Variants in TNIK observed in about 807,000 individuals in gnomAD.
The protein encoded by TNIK is TRAF2 and NCK interacting kinase.
In TNIK, 49 loss-of-function variants were observed where a neutral mutation model predicts 191.3. The observed-to-expected ratio is 0.26, with a 90% CI of 0.20 to 0.32. The LOEUF (loss-of-function observed/expected upper bound fraction) is 0.32. Among genes scored for constraint, TNIK ranks in the 10% least tolerant of loss-of-function variants. The pLI is 1.00. For missense variants in TNIK, 1,155 were observed against 1,702.3 expected (o/e 0.68, Z 5.66); for synonymous variants, 594 against 600.9 (o/e 0.99, Z 0.17).
chr3:171,090,687 G>A (rs971709161), intron 23 of TNIK, among the ~76,000 whole-genome samples: 1 of 152,164 alleles, frequency 6.6e-6, no homozygotes, highest in African/African-American at 2.4e-5. Context: ...TCTTCCAGCA[G>A]ATGAGCTTCC....
chr3:171,165,621 G>C (rs1734521250), intron 10 of TNIK, among the ~76,000 whole-genome samples: 1 of 152,152 alleles, frequency 6.6e-6, no homozygotes, highest in Non-Finnish European at 1.5e-5. Context: ...CAGAAAGGCA[G>C]CCTCTGTCCT....
chr3:171,450,068 C>T (rs750589884), intron 1 of TNIK, among the ~76,000 whole-genome samples: 9 of 152,212 alleles, frequency 5.9e-5, no homozygotes, highest in South Asian at 2.1e-4. Context: ...AAATTTTTAA[C>T]AACTCAGCAG....
chr3:171,414,930 G>A (rs1437692053), intron 1 of TNIK, among the ~76,000 whole-genome samples: 1 of 152,184 alleles, frequency 6.6e-6, no homozygotes, highest in African/African-American at 2.4e-5. Context: ...TAGAAGTAGA[G>A]TAGGAGTACA....
Position 171,161,348 on chromosome 3 carries a change from T to G in TNIK, c.950-12A>C. On this transcript the variant is annotated splice_polypyrimidine_tract_variant and intron_variant, in intron 10 of 32. Coordinates refer to ENST00000436636, the MANE Select transcript of TNIK (RefSeq NM_015028.4). The stretch of plus-strand genomic sequence containing the variant: ...ATACTCTGTCTCATCTGAAGAAAGA[T>G]CCCAGCATGTTAGTGCACAAAAAGA... 2 of 1,610,476 alleles carry G rather than the reference T, an allele frequency of 1.2e-6. No homozygotes were observed. The highest frequency in any genetic ancestry group is 1.7e-6 in the Non-Finnish European group (2 of 1,177,780).
In TNIK at chr3:171,250,749, A is replaced by G. The variant is rs187558802; in HGVS notation, c.124-22528T>C. Among the ~76,000 whole-genome samples, 646 of 152,356 alleles carry G rather than the reference A, an allele frequency of 4.2e-3. 20 individuals carry two copies. Among genetic ancestry groups the G allele is most frequent in the Non-Finnish European group, 6.8e-4 (46 of 68,036 alleles). On this transcript the variant is annotated intron_variant, in intron 2 of 32. Transcript: ENST00000436636. Reference sequence around the variant, plus strand: ...CAGAGAAATGATACTTAAGGCCGTTATAAGAACTAAAATAGCTAATGTGAA... The same window carrying G: ...CAGAGAAATGATACTTAAGGCCGTTGTAAGAACTAAAATAGCTAATGTGAA...
intron 2 of TNIK, among the ~76,000 whole-genome samples, chr3:171,275,858 C>A (rs1451555301): frequency 6.6e-6 from 1 of 151,926 alleles, no homozygotes; most frequent in Non-Finnish European, 1.5e-5. Flanking sequence ...GATCGTGCCA[C>A]TGCACTCCAA....
chr3:171,224,294 A>G (rs996478321), intron 3 of TNIK, among the ~76,000 whole-genome samples: 2 of 152,166 alleles, frequency 1.3e-5, no homozygotes, highest in Admixed American at 6.5e-5. Context: ...GTTTGGTACT[A>G]CAACCCCAAA....
In TNIK at chr3:171,459,998, C is replaced by A. The variant is rs1430702577; in HGVS notation, c.57+9G>T. On this transcript the variant is annotated intron_variant, in intron 1 of 32. Coordinates refer to ENST00000436636, the MANE Select transcript of TNIK (RefSeq NM_015028.4). ...CCACTGGAAAGAAACCAGAAAACGTCCTGCTCACCCTCAGAGCCGAGAGAT... is the reference window on the plus strand; with the variant it reads ...CCACTGGAAAGAAACCAGAAAACGTACTGCTCACCCTCAGAGCCGAGAGAT... The A allele has an allele frequency of 6.2e-7, 1 of 1,606,842 alleles. No individual in the cohort carries two copies. Among genetic ancestry groups the A allele is most frequent in the Non-Finnish European group, 8.5e-7 (1 of 1,176,628 alleles).
intron 4 of TNIK, among the ~76,000 whole-genome samples, chr3:171,200,761 G>A (rs1202172869): frequency 6.6e-6 from 1 of 152,162 alleles, no homozygotes; most frequent in Admixed American, 6.5e-5. Context: ...AATTTTAAAA[G>A]ATTTAGTCTC....
chr3:171,097,284 G>A (rs933461595), intron 22 of TNIK, among the ~76,000 whole-genome samples: 6 of 152,210 alleles, frequency 3.9e-5, no homozygotes, highest in Non-Finnish European at 7.3e-5. Flanking sequence ...AGTGGAGTCT[G>A]TAATACTAAA....
intron 1 of TNIK, among the ~76,000 whole-genome samples, chr3:171,457,830 C>A (rs1190791392): frequency 6.6e-6 from 1 of 152,194 alleles, no homozygotes; most frequent in Admixed American, 6.5e-5. Flanking sequence ...AAGCTGATAG[C>A]CCAGGCCACA....
chr3:171,116,848 T>C (rs774582300), intron 18 of TNIK, among the ~76,000 whole-genome samples: 4 of 152,250 alleles, frequency 2.6e-5, no homozygotes, highest in Non-Finnish European at 5.9e-5. Flanking sequence ...CAAATTTTGA[T>C]TTGAACTTAA....
At chr3:171,175,814 A>C (rs1223212021) in intron 8 of TNIK, among the ~76,000 whole-genome samples, 1 of 152,214 alleles carries the variant, frequency 6.6e-6, no homozygotes, top group Non-Finnish European at 1.5e-5. Context: ...TGGAGTCCAA[A>C]ACACCAGCCC....
Position 171,066,711 on chromosome 3 carries a change from C to T in TNIK, c.3724G>A (p.Ala1242Thr). 1 of 1,613,740 alleles carries T rather than the reference C, an allele frequency of 6.2e-7. No homozygotes were observed. Among genetic ancestry groups the T allele is most frequent in the Non-Finnish European group, 8.5e-7 (1 of 1,179,800 alleles). Residue 1242 changes from alanine to threonine, a missense_variant, in exon 31 of 33, where the codon GCT becomes ACT. Coordinates refer to ENST00000436636, the MANE Select transcript of TNIK (RefSeq NM_015028.4). ...SHIQGNITPH[A>T]IVILPKTDGM... ...TCTGTTTTAGGCAAGATGACAATAG[C>T]ATGAGGAGTGATATTGCCCTGAATC...
chr3:171,322,866 G>T (rs1399093154), intron 2 of TNIK, among the ~76,000 whole-genome samples: 2 of 143,292 alleles, frequency 1.4e-5, no homozygotes, highest in African/African-American at 5.2e-5. Flanking sequence ...TAAGTGCAAG[G>T]TTGTGAAACT....
intron 2 of TNIK, among the ~76,000 whole-genome samples, chr3:171,349,411 T>C (rs1162978647): frequency 2.0e-5 from 3 of 152,174 alleles, no homozygotes; most frequent in Non-Finnish European, 4.4e-5. Flanking sequence ...AGATGATTGA[T>C]AAAGATTCCC....
At chr3:171,071,181 A>T (rs1719129933) in intron 29 of TNIK, 42 bp downstream of exon 29, 1 of 1,511,428 alleles carries the variant, frequency 6.6e-7, no homozygotes, top group Admixed American at 2.3e-5. Context: ...GAAACGGAAA[A>T]TTTTTAAAAA....
At chr3:171,134,665 CAGTAAA>C (rs1219964851) in intron 15 of TNIK, among the ~76,000 whole-genome samples, 17 of 152,264 alleles carry the variant, frequency 1.1e-4, no homozygotes, top group Admixed American at 8.5e-4. Context: ...AAAGAATACT[CAGTAAA>C]AGGAGGGAGA....
intron 32 of TNIK, among the ~76,000 whole-genome samples, chr3:171,064,971 C>T (rs1163818627): frequency 6.6e-6 from 1 of 152,146 alleles, no homozygotes; most frequent in Non-Finnish European, 1.5e-5. Flanking sequence ...CGGAGAAGGA[C>T]AGAGAGGGCC....
Sources: gnomAD v4.1 joint callset for allele counts (sites outside exome capture counted in the v4.1 genomes callset) on GRCh38, gnomAD v4.1.1 for gene constraint, MANE v1.5 for transcripts, NCBI Gene and HGNC (gene_info 2026-07-23, HGNC 2026-07-21) for gene names.